RBBP6: variants seen among roughly 807,000 people sequenced by gnomAD.
RBBP6 encodes the protein E3 ubiquitin-protein ligase RBBP6.
A neutral mutation model predicts 167.7 loss-of-function variants in RBBP6; 25 were observed. The ratio of observed to expected loss-of-function variants is 0.15; its 90% CI spans 0.11 to 0.21. The LOEUF is 0.21. Among genes scored for constraint, RBBP6 ranks in the 10% least tolerant of loss-of-function variants. The pLI, the probability that RBBP6 is intolerant of heterozygous loss-of-function variation, is 1.00. For missense variants in RBBP6, 1,868 were observed against 2,134.2 expected (o/e 0.88, Z 2.46); for synonymous variants, 789 against 735.8 (o/e 1.07, Z -1.17).
chr16:24,562,525 T>C (rs1288186518), intron 10 of RBBP6, among the ~76,000 whole-genome samples: 1 of 152,038 alleles, frequency 6.6e-6, no homozygotes, highest in Non-Finnish European at 1.5e-5. Context: ...ACAGTTTAGA[T>C]AGGTAGAGAA....
In RBBP6 at chr16:24,559,563, T is replaced by C. The variant is rs769516225; in HGVS notation, c.733T>C (p.Ser245Pro). 6.2e-7 allele frequency: 1 copy of C among 1,608,210 alleles called. No individual in the cohort carries two copies. Among genetic ancestry groups the C allele is most frequent in the Non-Finnish European group, 8.5e-7 (1 of 1,177,348 alleles). ...KPPFLPEEPS[S>P]SSEEDDPIPD... Reference sequence around the variant, plus strand: ...TCCCTTCTTACCAGAGGAGCCATCTTCTTCCTCAGAAGAAGATGATCCTAT... The same window carrying C: ...TCCCTTCTTACCAGAGGAGCCATCTCCTTCCTCAGAAGAAGATGATCCTAT... The change falls in exon 8 of 18, where the codon TCT becomes CCT. Residue 245 changes from serine (S) to proline (P), a missense_variant. By Grantham distance (74) the Ser-to-Pro change is moderately conservative. Transcript: ENST00000319715.
At chr16:24,568,372 G>A (rs992992741) in intron 16 of RBBP6, among the ~76,000 whole-genome samples, 3 of 152,138 alleles carry the variant, frequency 2.0e-5, no homozygotes, top group Non-Finnish European at 4.4e-5. Flanking sequence ...TTGAAATGTG[G>A]TTTCTTTTAA....
Position 24,567,242 on chromosome 16 carries a change from T to G in RBBP6, c.1689T>G (p.Pro563=). The G allele has an allele frequency of 1.2e-6, 2 of 1,614,158 alleles. No homozygotes were observed. The highest frequency in any genetic ancestry group is 2.2e-5 in the South Asian group (2 of 91,086). ...TPVFVPVPPP[P]LYPPPPHTLP... The stretch of plus-strand genomic sequence containing the variant: ...TCTTTGTACCTGTTCCACCACCTCC[T>G]TTGTATCCGCCTCCTCCCCATACAC... Residue 563 remains proline (P), a synonymous_variant, in exon 15 of 18, where the codon CCT becomes CCG. Coordinates refer to ENST00000319715, the MANE Select transcript of RBBP6 (RefSeq NM_006910.5).
In RBBP6 at chr16:24,541,205, C is replaced by CAAAAAAAAA. The variant is rs933107246; in HGVS notation, c.166+420_166+421insAAAAAAAAA. Among the ~76,000 whole-genome samples the CAAAAAAAAA allele has an allele frequency of 1.7e-3, 132 of 79,220 alleles. 3 individuals are homozygous for CAAAAAAAAA. Among genetic ancestry groups the CAAAAAAAAA allele is most frequent in the Admixed American group, 2.1e-3 (14 of 6,630 alleles). 52.0% of individuals were successfully genotyped at this position (79,220 alleles called of 152,430 possible). On this transcript the variant is annotated intron_variant, in intron 1 of 17. Transcript: ENST00000319715. ...GCAAAAAAAAAAACAAAAAAAAAAC[C>CAAAAAAAAA]AAAAAAACAATTTTCTAACCTAACA...
intron 8 of RBBP6, among the ~76,000 whole-genome samples, chr16:24,560,907 T>G (rs1035817212): frequency 3.3e-5 from 5 of 152,194 alleles, no homozygotes; most frequent in African/African-American, 1.2e-4. Context: ...TGGATACCTG[T>G]AAATCTTTAT....
At chr16:24,558,604 G>A in intron 7 of RBBP6, 1 of 726,108 alleles carries the variant, frequency 1.4e-6, no homozygotes. Context: ...GTTCCTGAAT[G>A]AAATAGAAAG....
chr16:24,568,634 T>C, intron 16 of RBBP6, 111 bp from the exon 17 acceptor site: 2 of 1,394,924 alleles, frequency 1.4e-6, no homozygotes, highest in Non-Finnish European at 1.9e-6. Context: ...AAGATGAAAT[T>C]TGATATAAAG....
chr16:24,541,960 A>G (rs902595206), intron 1 of RBBP6, among the ~76,000 whole-genome samples: 2 of 152,206 alleles, frequency 1.3e-5, no homozygotes, highest in African/African-American at 4.8e-5. Flanking sequence ...CCAGTTTTCC[A>G]TTTACAATGC....
In RBBP6 at chr16:24,572,682, C is replaced by A; in HGVS notation, c.*237C>A. On this transcript the variant is annotated 3_prime_UTR_variant, in exon 18 of 18. Coordinates refer to ENST00000319715, the MANE Select transcript of RBBP6 (RefSeq NM_006910.5). Reference sequence around the variant, plus strand: ...TTTTGCTAGGGCCTATTATTTTTAACCACCATTAATTAGTTGGGGTGGAGT... The same window carrying A: ...TTTTGCTAGGGCCTATTATTTTTAAACACCATTAATTAGTTGGGGTGGAGT... The A allele has an allele frequency of 2.2e-6, 1 of 447,048 alleles. No homozygotes were observed. The highest frequency in any genetic ancestry group is 3.7e-6 in the Non-Finnish European group (1 of 269,994). The allele number at this position is 447,048 out of a possible 1,614,324, so 27.7% of individuals were successfully genotyped here.
At chr16:24,560,814 G>A (rs1160087399) in intron 8 of RBBP6, among the ~76,000 whole-genome samples, 2 of 152,310 alleles carry the variant, frequency 1.3e-5, no homozygotes, top group African/African-American at 4.8e-5. Flanking sequence ...AGTATTATAT[G>A]CAAATACTAT....
At chr16:24,550,557 A>T (rs1419381391) in intron 3 of RBBP6, among the ~76,000 whole-genome samples, 4 of 151,702 alleles carry the variant, frequency 2.6e-5, no homozygotes, top group African/African-American at 9.7e-5. Context: ...AAACTAATTC[A>T]GATGAAGTTT....
rs761702953 is a variant in RBBP6, at chr16:24,569,901, A to G, written c.3211A>G (p.Asn1071Asp). Residue 1071 changes from asparagine to aspartate, a missense_variant, in exon 17 of 18, where the codon AAT becomes GAT. Coordinates refer to ENST00000319715, the MANE Select transcript of RBBP6 (RefSeq NM_006910.5). The part of the protein sequence containing the change: ...KAKEETPKTD[N>D]TKSSSSSQKD... ...CAAAGAGGAGACTCCGAAGACTGACAATACTAAATCATCATCTTCCTCTCA... is the reference window on the plus strand; with the variant it reads ...CAAAGAGGAGACTCCGAAGACTGACGATACTAAATCATCATCTTCCTCTCA... 6 of 1,610,992 alleles carry G rather than the reference A, an allele frequency of 3.7e-6. No individual in the cohort carries two copies. The East Asian group carries it at 6.7e-5, about 18-fold the overall frequency.
intron 7 of RBBP6, among the ~76,000 whole-genome samples, chr16:24,558,026 C>T (rs1174478349): frequency 6.6e-6 from 1 of 152,178 alleles, no homozygotes. Flanking sequence ...TGTTGTTATG[C>T]TGTTTCTAAT....
At chr16:24,540,907 A>T in intron 1 of RBBP6, 115 bp downstream of exon 1, 4 of 1,262,760 alleles carry the variant, frequency 3.2e-6, no homozygotes, top group Non-Finnish European at 4.3e-6. Context: ...TCGTTCTAGT[A>T]CTTTGGATAC....
chr16:24,559,739 C>A, intron 8 of RBBP6, 62 bp downstream of exon 8: 1 of 1,354,932 alleles, frequency 7.4e-7, no homozygotes, highest in Non-Finnish European at 9.8e-7. Context: ...CTTGGAATGG[C>A]TCTTCCCAAC....
chr16:24,569,621 C>G lies in RBBP6; in HGVS notation c.2931C>G (p.Leu977=). The part of the protein sequence containing the change: ...EENKTDSLFV[L]PSRDDATPVR... The stretch of plus-strand genomic sequence containing the variant: ...ATAAAACAGACTCATTGTTTGTTCT[C>G]CCAAGTAGAGATGATGCCACACCTG... The change falls in exon 17 of 18, where the codon CTC becomes CTG. Residue 977 remains leucine (L), a synonymous_variant. Transcript: ENST00000319715. The G allele has an allele frequency of 6.2e-7, 1 of 1,612,330 alleles. No homozygotes were observed. Among genetic ancestry groups the G allele is most frequent in the African/African-American group, 1.3e-5 (1 of 74,846 alleles).
Position 24,571,793 on chromosome 16 carries a change from C to G in RBBP6, c.4727C>G (p.Ala1576Gly), listed in dbSNP as rs1899346338. The G allele has an allele frequency of 6.2e-7, 1 of 1,613,774 alleles. No homozygotes were observed. The highest frequency in any genetic ancestry group is 1.1e-5 in the South Asian group (1 of 91,042). Residue 1576 changes from alanine (A) to glycine (G), a missense_variant, in exon 18 of 18, where the codon GCA becomes GGA. This residue lies in a region of RBBP6 where 591 missense variants were observed against 540.5 expected (regional missense o/e 1.09). Transcript: ENST00000319715. ...GATCGTGAGAAGCATGTATTAGAAGCAAGGAACAATAAAGAGTCAAGTGGC... is the reference window on the plus strand; with the variant it reads ...GATCGTGAGAAGCATGTATTAGAAGGAAGGAACAATAAAGAGTCAAGTGGC... ...CKDREKHVLEARNNKESSGNK... is the reference protein window; with the variant it reads ...CKDREKHVLEGRNNKESSGNK...
chr16:24,571,135 T>A lies in RBBP6; in HGVS notation c.4069T>A (p.Ser1357Thr). 1 of 1,613,568 alleles carries A rather than the reference T, an allele frequency of 6.2e-7. No homozygotes were observed. Among genetic ancestry groups the A allele is most frequent in the Non-Finnish European group, 8.5e-7 (1 of 1,179,644 alleles). The change falls in exon 18 of 18, where the codon TCA (serine) becomes ACA (threonine). Residue 1357 changes from serine (S) to threonine (T), a missense_variant. Ser to Thr is a moderately conservative substitution (Grantham distance 58, BLOSUM62 1). Coordinates refer to ENST00000319715, the MANE Select transcript of RBBP6 (RefSeq NM_006910.5). Reference sequence around the variant, plus strand: ...TATAAAAAATGTTAGTACAAAGCCATCAAATATAGTCAAGTATCCTGAGAA... The same window carrying A: ...TATAAAAAATGTTAGTACAAAGCCAACAAATATAGTCAAGTATCCTGAGAA... Reference protein sequence around the residue: ...SVIKNVSTKPSNIVKYPEKES... With the variant: ...SVIKNVSTKPTNIVKYPEKES...
chr16:24,551,020 G>A (rs959589601), intron 3 of RBBP6, among the ~76,000 whole-genome samples: 2 of 151,818 alleles, frequency 1.3e-5, no homozygotes, highest in African/African-American at 2.4e-5. Context: ...TAATGGAAGC[G>A]AACTCTAATC....
Sources: gnomAD v4.1 joint callset for allele counts (sites outside exome capture counted in the v4.1 genomes callset) on GRCh38, gnomAD v4.1.1 for gene constraint, gnomAD v4.1.1 regional missense constraint, MANE v1.5 for transcripts, NCBI Gene and HGNC (gene_info 2026-07-23, HGNC 2026-07-21) for gene names.